FSHR: variants seen among roughly 807,000 people sequenced by gnomAD.
FSHR encodes follicle-stimulating hormone receptor.
FSHR carries 46 observed loss-of-function variants against 52.1 expected under a neutral mutation model. That is an observed-to-expected ratio of 0.88 (90% CI 0.70 to 1.13). The LOEUF (loss-of-function observed/expected upper bound fraction) is 1.13, where lower values mean the gene tolerates loss of function less well. Ranked by LOEUF, FSHR falls within the 50% of genes most tolerant of loss-of-function variation. The probability of loss-of-function intolerance (pLI) is 0.00; values close to 1 mark genes in which losing one functional copy is unlikely to be tolerated. For missense variants in FSHR, 964 were observed against 834.6 expected (o/e 1.16, Z -1.91); for synonymous variants, 399 against 309.6 (o/e 1.29, Z -3.03).
chr2:49,140,429 C>T (rs952237855), intron 1 of FSHR, among the ~76,000 whole-genome samples: 3 of 152,142 alleles, frequency 2.0e-5, no homozygotes, highest in African/African-American at 7.2e-5. Flanking sequence ...TGAGTGATAT[C>T]AGCTCTATGC....
chr2:49,009,420 G>C (rs1339158858), intron 4 of FSHR, among the ~76,000 whole-genome samples: 1 of 151,526 alleles, frequency 6.6e-6, no homozygotes, highest in Non-Finnish European at 1.5e-5. Context: ...TGCCGTTTTG[G>C]TTACTGTAGC....
chr2:48,970,110 T>C lies in FSHR; in HGVS notation c.669-1227A>G, dbSNP rs1483765052. Among the ~76,000 whole-genome samples, 10 of 152,202 alleles carry C rather than the reference T, an allele frequency of 6.6e-5. No homozygotes were observed. The East Asian group carries it at 1.9e-3, about 29-fold the overall frequency. On this transcript the variant is annotated intron_variant, in intron 8 of 9. Transcript: ENST00000406846. ...GTAATGAAACTTGGGGGTGTGAATA[T>C]ATATTTGCTACCCCATATGTTCTCA...
intron 2 of FSHR, among the ~76,000 whole-genome samples, chr2:49,039,129 G>C (rs1347059832): frequency 7.4e-6 from 1 of 135,534 alleles, no homozygotes; most frequent in South Asian, 2.4e-4. Context: ...TTTTTTTACA[G>C]GTTATTTTGT....
intron 1 of FSHR, among the ~76,000 whole-genome samples, chr2:49,133,079 T>A (rs1672350807): frequency 6.6e-6 from 1 of 151,172 alleles, no homozygotes; most frequent in East Asian, 1.9e-4. Context: ...TCCAGACTGC[T>A]GCAGTAAAGA....
At chr2:49,130,979 A>T (rs1430344682) in intron 1 of FSHR, among the ~76,000 whole-genome samples, 2 of 152,198 alleles carry the variant, frequency 1.3e-5, no homozygotes, top group Non-Finnish European at 2.9e-5. Flanking sequence ...GTACAAAAAA[A>T]TTGATAAATT....
chr2:49,135,668 A>G (rs961912176), intron 1 of FSHR, among the ~76,000 whole-genome samples: 4 of 152,178 alleles, frequency 2.6e-5, no homozygotes, highest in South Asian at 4.1e-4. Flanking sequence ...CAATAAAAAA[A>G]TTCACGCATA....
chr2:49,151,669 T>G (rs1673068380), intron 1 of FSHR, among the ~76,000 whole-genome samples: 1 of 152,128 alleles, frequency 6.6e-6, no homozygotes, highest in Admixed American at 6.6e-5. Context: ...GCAATTGCAG[T>G]CAATGAAGTC....
chr2:48,971,533 T>A (rs1230656820), intron 8 of FSHR, among the ~76,000 whole-genome samples: 1 of 152,194 alleles, frequency 6.6e-6, no homozygotes, highest in African/African-American at 2.4e-5. Context: ...TCAGGAAGAT[T>A]TACATTTTCA....
chr2:49,019,013 A>G (rs1365400008), intron 3 of FSHR, among the ~76,000 whole-genome samples: 1 of 152,196 alleles, frequency 6.6e-6, no homozygotes, highest in Non-Finnish European at 1.5e-5. Context: ...AAGCCTTACA[A>G]CTTCTCTGTG....
At chr2:49,136,575 C>T (rs981694159) in intron 1 of FSHR, among the ~76,000 whole-genome samples, 5 of 152,128 alleles carry the variant, frequency 3.3e-5, no homozygotes, top group East Asian at 1.9e-4. Context: ...AAACTACAGA[C>T]TAGTATCTCT....
intron 2 of FSHR, among the ~76,000 whole-genome samples, chr2:49,046,731 G>C (rs373825139): frequency 6.6e-6 from 1 of 152,160 alleles, no homozygotes; most frequent in Non-Finnish European, 1.5e-5. Flanking sequence ...CACACATTTT[G>C]TAGCTCAAGA....
At chr2:49,032,296 G>T (rs1178574344) in intron 2 of FSHR, among the ~76,000 whole-genome samples, 1 of 152,140 alleles carries the variant, frequency 6.6e-6, no homozygotes, top group Non-Finnish European at 1.5e-5. Flanking sequence ...ACTTCTGTTT[G>T]TAGGCCCCTG....
chr2:49,049,472 C>T (rs929554723), intron 2 of FSHR, among the ~76,000 whole-genome samples: 1 of 152,022 alleles, frequency 6.6e-6, no homozygotes, highest in African/African-American at 2.4e-5. Flanking sequence ...AAGCAGAAGT[C>T]ATCAGGACCA....
At chr2:49,015,319 G>T (rs1667445357) in intron 4 of FSHR, among the ~76,000 whole-genome samples, 1 of 152,210 alleles carries the variant, frequency 6.6e-6, no homozygotes, top group South Asian at 2.1e-4. Flanking sequence ...GGTAAAAGCT[G>T]AAGGTCTTAA....
intron 1 of FSHR, among the ~76,000 whole-genome samples, chr2:49,124,277 G>A (rs1052498076): frequency 6.6e-6 from 1 of 151,752 alleles, no homozygotes; most frequent in African/African-American, 2.4e-5. Context: ...TTACAGCCAT[G>A]AGCCACCACA....
chr2:49,026,913 G>A (rs531821743), intron 2 of FSHR, among the ~76,000 whole-genome samples: 1 of 152,172 alleles, frequency 6.6e-6, no homozygotes, highest in East Asian at 1.9e-4. Flanking sequence ...TGCTGATGAG[G>A]CAAATGAGGT....
At chr2:49,118,658 CAATGTG>C (rs1282642440) in intron 1 of FSHR, among the ~76,000 whole-genome samples, 1 of 152,120 alleles carries the variant, frequency 6.6e-6, no homozygotes, top group East Asian at 1.9e-4. Context: ...CAACTAGACC[CAATGTG>C]ATACTAGATT....
At chr2:49,052,678 G>A (rs1163566170) in intron 2 of FSHR, among the ~76,000 whole-genome samples, 8 of 152,124 alleles carry the variant, frequency 5.3e-5, no homozygotes, top group Admixed American at 3.9e-4. Flanking sequence ...GTCTAACACT[G>A]GCCTTTCATT....
intron 1 of FSHR, among the ~76,000 whole-genome samples, chr2:49,094,200 A>T (rs888635437): frequency 6.6e-6 from 1 of 152,138 alleles, no homozygotes; most frequent in African/African-American, 2.4e-5. Context: ...CTTAGAATTA[A>T]TATTTTATTA....
Sources: allele counts gnomAD v4.1 joint callset (sites outside exome capture counted in the v4.1 genomes callset), GRCh38; gene constraint gnomAD v4.1.1; transcripts MANE v1.5; gene names NCBI Gene and HGNC (gene_info 2026-07-23, HGNC 2026-07-21).